Variants in BACH2 observed in about 807,000 individuals in gnomAD.
The protein encoded by BACH2 is BACH transcriptional regulator 2, also known as transcription regulator protein BACH2.
A neutral mutation model predicts 61.8 loss-of-function variants in BACH2; 5 were observed. That is an observed-to-expected ratio of 0.08 (90% CI 0.04 to 0.17). The LOEUF is 0.17. Ranked by LOEUF, BACH2 falls within the 10% of genes least tolerant of loss-of-function variation. BACH2 has a pLI of 1.00. For synonymous variants in BACH2, 446 were observed against 440.1 expected (o/e 1.01, Z -0.17); for missense variants, 824 against 1,091.1 (o/e 0.76, Z 3.45).
At chr6:90,249,883 A>C (rs1045967325) in intron 3 of BACH2, among the ~76,000 whole-genome samples, 1 of 152,210 alleles carries the variant, frequency 6.6e-6, no homozygotes, top group Non-Finnish European at 1.5e-5. Flanking sequence ...CAGAATAGAT[A>C]ACCCAAATGA....
chr6:90,161,086 C>CAAAA (rs11390042), intron 4 of BACH2, among the ~76,000 whole-genome samples: 15 of 105,176 alleles, frequency 1.4e-4, no homozygotes, highest in Admixed American at 8.4e-4. Context: ...GACTCCGTCT[C>CAAAA]AAAAAAAAAA....
chr6:89,951,927 A>G lies in BACH2; in HGVS notation c.244-65T>C, dbSNP rs1774154688. On this transcript the variant is annotated intron_variant, in intron 6 of 8. Transcript: ENST00000257749. The surrounding 1 kb of genome is among the most constrained non-coding windows in gnomAD (Gnocchi z 6.4). ...CACTGCTATTGTCCCGAATCCCTCAACTGAAGCAAGATAACCAGACAGTGC... is the reference window on the plus strand; with the variant it reads ...CACTGCTATTGTCCCGAATCCCTCAGCTGAAGCAAGATAACCAGACAGTGC... 6 of 1,548,528 alleles carry G rather than the reference A, an allele frequency of 3.9e-6. No individual in the cohort carries two copies. Among genetic ancestry groups the G allele is most frequent in the South Asian group, 1.2e-5 (1 of 81,324 alleles).
chr6:90,029,008 C>T (rs1326869618), intron 5 of BACH2, among the ~76,000 whole-genome samples: 1 of 152,214 alleles, frequency 6.6e-6, no homozygotes, highest in South Asian at 2.1e-4. Context: ...TCTTTTCCAA[C>T]CATGCCAATT....
At chr6:90,095,190 G>A (rs1306769726) in intron 4 of BACH2, among the ~76,000 whole-genome samples, 2 of 151,450 alleles carry the variant, frequency 1.3e-5, no homozygotes, top group Admixed American at 6.6e-5. Flanking sequence ...GAGGTCAATT[G>A]ATGTTAATTG....
intron 5 of BACH2, among the ~76,000 whole-genome samples, chr6:90,070,701 G>A (rs1052376399): frequency 3.3e-5 from 5 of 152,184 alleles, no homozygotes; most frequent in Non-Finnish European, 7.3e-5. Flanking sequence ...GAAGCCACAG[G>A]TTCCACTGTG....
At chr6:90,175,512 C>T (rs1423763781) in intron 4 of BACH2, among the ~76,000 whole-genome samples, 1 of 151,874 alleles carries the variant, frequency 6.6e-6, no homozygotes. Context: ...TTAAAAACAA[C>T]TTTTTGGTGG....
At chr6:90,102,308 T>G (rs1782666012) in intron 4 of BACH2, among the ~76,000 whole-genome samples, 1 of 152,184 alleles carries the variant, frequency 6.6e-6, no homozygotes, top group Non-Finnish European at 1.5e-5. Flanking sequence ...GACACGAATC[T>G]ATTTTCCATA....
At chr6:90,131,269 T>G (rs536044507) in intron 4 of BACH2, among the ~76,000 whole-genome samples, 1 of 152,380 alleles carries the variant, frequency 6.6e-6, no homozygotes, top group South Asian at 2.1e-4. Flanking sequence ...ACTCACAGCC[T>G]GCTTCAAGTC....
At chr6:89,946,657 C>T (rs1048313895) in intron 7 of BACH2, among the ~76,000 whole-genome samples, 8 of 152,222 alleles carry the variant, frequency 5.3e-5, no homozygotes, top group Middle Eastern at 3.4e-3. Flanking sequence ...CAGCCACGTG[C>T]ATGGTAGACA....
Position 89,929,557 on chromosome 6 carries a change from A to T in BACH2, c.*2851T>A. On this transcript the variant is annotated 3_prime_UTR_variant, in exon 9 of 9. Coordinates refer to ENST00000257749, the MANE Select transcript of BACH2 (RefSeq NM_021813.4). ...TCTATGAAATTGGAAGATGGTTTTTAGAGCAGTGTTTTTAACCAGTTCCCA... is the reference window on the plus strand; with the variant it reads ...TCTATGAAATTGGAAGATGGTTTTTTGAGCAGTGTTTTTAACCAGTTCCCA... 1 of 152,456 alleles carries T rather than the reference A, an allele frequency of 6.6e-6. No homozygotes were observed. 9.4% of individuals were successfully genotyped at this position (152,456 alleles called of 1,614,324 possible).
At chr6:89,996,734 C>T (rs1212603771) in intron 6 of BACH2, among the ~76,000 whole-genome samples, 12 of 152,160 alleles carry the variant, frequency 7.9e-5, no homozygotes, top group Admixed American at 7.9e-4. Context: ...TCCTTCCCTC[C>T]ACCTGAACCT....
rs1001724022 is a variant in BACH2, at chr6:90,052,984, T to A, written c.-13+35977A>T. Among the ~76,000 whole-genome samples the A allele has an allele frequency of 2.6e-5, 4 of 152,292 alleles. No homozygotes were observed. The East Asian group carries it at 7.7e-4, about 29-fold the overall frequency. The stretch of plus-strand genomic sequence containing the variant: ...GTCCTACTTTCCTATGCTTTATGTA[T>A]TTTTTCTTTCTTTTTTGATTTTTAA... On this transcript the variant is annotated intron_variant, in intron 5 of 8. Coordinates refer to ENST00000257749, the MANE Select transcript of BACH2 (RefSeq NM_021813.4).
rs756663717 is a variant in BACH2, at chr6:89,977,153, G to A, written c.244-25291C>T. Among the ~76,000 whole-genome samples the A allele has an allele frequency of 2.6e-5, 4 of 152,068 alleles. No homozygotes were observed. In the South Asian group the frequency reaches 8.3e-4, roughly 31 times the overall value. On this transcript the variant is annotated intron_variant, in intron 6 of 8. Coordinates refer to ENST00000257749, the MANE Select transcript of BACH2 (RefSeq NM_021813.4). Reference sequence around the variant, plus strand: ...GAACTTTCTCCTTATCCTACTGAAAGTACACCTCTCAAAAAGAATACAAAA... The same window carrying A: ...GAACTTTCTCCTTATCCTACTGAAAATACACCTCTCAAAAAGAATACAAAA...
At position 89,929,355 on chromosome 6, in the gene BACH2, A is replaced by T. The variant is rs1219952417; in HGVS notation, c.*3053T>A. ...GAGACAGGCTAGGTTTTAAAATTCCACTTGAGGCCGTTTGGATTCTGGTCC... is the reference window on the plus strand; with the variant it reads ...GAGACAGGCTAGGTTTTAAAATTCCTCTTGAGGCCGTTTGGATTCTGGTCC... On this transcript the variant is annotated 3_prime_UTR_variant, in exon 9 of 9. Coordinates refer to ENST00000257749, the MANE Select transcript of BACH2 (RefSeq NM_021813.4). 1 of 152,302 alleles carries T rather than the reference A, an allele frequency of 6.6e-6. No homozygotes were observed. Among genetic ancestry groups the T allele is most frequent in the Non-Finnish European group, 1.5e-5 (1 of 68,040 alleles). 9.4% of individuals were successfully genotyped at this position (152,302 alleles called of 1,614,324 possible). A position where few individuals can be genotyped will look rare whatever the true frequency, so the allele number is the denominator to read the frequency against.
chr6:90,239,844 C>T (rs72928017), intron 3 of BACH2, among the ~76,000 whole-genome samples: 15,114 of 145,688 alleles, frequency 0.1, 1,069 homozygotes, highest in East Asian at 0.36. Flanking sequence ...CACACACACA[C>T]GCTGACTATT....
chr6:90,183,133 G>C lies in BACH2; in HGVS notation c.-162+23436C>G, dbSNP rs148948575. Among the ~76,000 whole-genome samples the C allele has an allele frequency of 4.5e-3, 691 of 152,252 alleles. 6 individuals carry two copies. The highest frequency in any genetic ancestry group is 7.5e-3 in the Non-Finnish European group (513 of 68,012). On this transcript the variant is annotated intron_variant, in intron 4 of 8. Transcript: ENST00000257749. ...TGTGTATTGTGTGTGTGCACGGAAGGCCTCTTTACTAATTCAGACCAACCT... is the reference window on the plus strand; with the variant it reads ...TGTGTATTGTGTGTGTGCACGGAAGCCCTCTTTACTAATTCAGACCAACCT...
intron 3 of BACH2, among the ~76,000 whole-genome samples, chr6:90,223,936 G>C (rs1278060547): frequency 6.6e-6 from 1 of 152,134 alleles, no homozygotes; most frequent in Non-Finnish European, 1.5e-5. Context: ...CTCGCTATTT[G>C]CTACTCTTAC....
intron 4 of BACH2, among the ~76,000 whole-genome samples, chr6:90,199,111 C>T (rs1387137686): frequency 6.6e-6 from 1 of 152,182 alleles, no homozygotes; most frequent in Non-Finnish European, 1.5e-5. Context: ...ATAAATTACC[C>T]AGTCTCAGGT....
chr6:90,050,929 G>A (rs575881515), intron 5 of BACH2, among the ~76,000 whole-genome samples: 1 of 152,062 alleles, frequency 6.6e-6, no homozygotes, highest in East Asian at 1.9e-4. Flanking sequence ...CTACTACCAT[G>A]CCCAGCTAAT....
Sources: gnomAD v4.1 joint callset for allele counts (sites outside exome capture counted in the v4.1 genomes callset) on GRCh38, gnomAD v4.1.1 for gene constraint, Gnocchi (gnomAD v3.1) non-coding constraint, MANE v1.5 for transcripts, NCBI Gene and HGNC (gene_info 2026-07-23, HGNC 2026-07-21) for gene names.